GSE1: variants seen among roughly 807,000 people sequenced by gnomAD.
GSE1 encodes genetic suppressor element 1.
Under a neutral mutation model 112.6 loss-of-function variants are expected in GSE1, and 32 were observed. The observed-to-expected ratio is 0.28, with a 90% confidence interval of 0.21 to 0.38. GSE1 has a LOEUF of 0.38. Ranked by LOEUF, GSE1 falls within the 10% of genes least tolerant of loss-of-function variation. GSE1 has a pLI of 1.00. For synonymous variants in GSE1, 1,115 were observed against 735.6 expected (o/e 1.52, Z -8.35); for missense variants, 2,348 against 1,699.2 (o/e 1.38, Z -6.71).
intron 7 of GSE1, among the ~76,000 whole-genome samples, 163 bp downstream of exon 7, chr16:85,656,828 T>C (rs780325260): frequency 1.3e-5 from 2 of 152,220 alleles, no homozygotes; most frequent in Non-Finnish European, 2.9e-5. Flanking sequence ...CAGAGGCACG[T>C]TGGCACACGA....
chr16:85,199,254 G>T (rs1254834635), intron 1 of GSE1, among the ~76,000 whole-genome samples: 1 of 151,936 alleles, frequency 6.6e-6, no homozygotes, highest in African/African-American at 2.4e-5. Context: ...ACCGTGCCCC[G>T]CCTGTATATT....
In GSE1 at chr16:85,500,346, A is replaced by G. The variant is rs138934790; in HGVS notation, c.2465-133568A>G. Among the ~76,000 whole-genome samples, 102 of 152,328 alleles carry G rather than the reference A, an allele frequency of 6.7e-4. 2 individuals carry two copies. The highest frequency in any genetic ancestry group is 1.4e-3 in the South Asian group (7 of 4,830). Reference sequence around the variant, plus strand: ...CCTGGTGCTGGCTAATTTGTTTTCAATAGGTTTCAATCAATTACGTGTGGT... The same window carrying G: ...CCTGGTGCTGGCTAATTTGTTTTCAGTAGGTTTCAATCAATTACGTGTGGT... On this transcript the variant is annotated intron_variant, in intron 2 of 2. Coordinates refer to the GSE1 transcript ENST00000637419.
chr16:85,655,644 C>T (rs1449188662), intron 5 of GSE1, 82 bp from the exon 6 acceptor site: 12 of 863,296 alleles, frequency 1.4e-5, no homozygotes, highest in African/African-American at 8.4e-5. Flanking sequence ...GGTGTGTGTA[C>T]CTGGCTGAGA....
chr16:85,450,659 C>T (rs565244048), intron 2 of GSE1, among the ~76,000 whole-genome samples: 8 of 151,650 alleles, frequency 5.3e-5, no homozygotes, highest in Admixed American at 2.0e-4. Flanking sequence ...CCATCTTGGC[C>T]AGGCTGGTCT....
chr16:85,656,229 A>C, intron 6 of GSE1, 114 bp from the exon 7 acceptor site: 1 of 1,311,832 alleles, frequency 7.6e-7, no homozygotes, highest in Non-Finnish European at 1.1e-6. Flanking sequence ...ACCTCCCGTC[A>C]CTGTTCAGAT....
intron 13 of GSE1, 109 bp downstream of exon 13, chr16:85,666,456 A>G: frequency 1.0e-6 from 1 of 984,452 alleles, no homozygotes; most frequent in Non-Finnish European, 1.6e-6. Context: ...AAGTTTTTAT[A>G]AACTCCAATC....
chr16:85,619,242 G>A (rs2048570782), intron 1 of GSE1, among the ~76,000 whole-genome samples: 1 of 152,288 alleles, frequency 6.6e-6, no homozygotes, highest in East Asian at 1.9e-4. Flanking sequence ...TTAACAAACT[G>A]TCCCTCCCCC....
Position 85,332,291 on chromosome 16 carries a change from C to T in GSE1, c.2284-25172C>T, listed in dbSNP as rs1021404675. ...CCTGGGTCTGTATGCCTTGGTCTCC[C>T]ACTTACAGACCCAGATGGGTCGAAT... On this transcript the variant is annotated intron_variant, in intron 1 of 2. Transcript: ENST00000637419. Among the ~76,000 whole-genome samples the T allele has an allele frequency of 2.6e-5, 4 of 152,340 alleles. No homozygotes were observed. The South Asian group carries it at 8.3e-4, about 32-fold the overall frequency.
chr16:85,451,286 G>A (rs759791415), intron 2 of GSE1, among the ~76,000 whole-genome samples: 1 of 152,142 alleles, frequency 6.6e-6, no homozygotes, highest in Non-Finnish European at 1.5e-5. Context: ...CTGCACCCAC[G>A]GGTCTGTTTT....
chr16:85,519,328 C>T (rs2052064675), intron 2 of GSE1, among the ~76,000 whole-genome samples: 1 of 133,790 alleles, frequency 7.5e-6, no homozygotes, highest in Non-Finnish European at 1.7e-5. Flanking sequence ...TCACCACCAT[C>T]ATCACTTTTA....
intron 2 of GSE1, among the ~76,000 whole-genome samples, chr16:85,397,342 G>A (rs970942534): frequency 2.0e-5 from 3 of 152,244 alleles, no homozygotes; most frequent in Middle Eastern, 3.2e-3. Context: ...GCACTCAAGT[G>A]ACACTCAGTG....
At position 85,419,609 on chromosome 16, in the gene GSE1, AAAAAAAAAC is replaced by A. The variant is rs998467430; in HGVS notation, c.2464+61973_2464+61981del. 1.5e-4 allele frequency among the ~76,000 whole-genome samples: 23 copies of A among 151,818 alleles called. No individual in the cohort carries two copies. Among genetic ancestry groups the A allele is most frequent in the South Asian group, 1.0e-3 (5 of 4,802 alleles). On this transcript the variant is annotated intron_variant, in intron 2 of 2. Transcript: ENST00000637419. The surrounding 1 kb of genome is among the most constrained non-coding windows in gnomAD (Gnocchi z 6.5). ...CAATAGAGCAAGGCTGTGTCTCAAA[AAAAAAAAAC>A]AAAAAACAAAAAACAAAAAATAACA...
chr16:85,398,104 C>G (rs903443575), intron 2 of GSE1, among the ~76,000 whole-genome samples: 2 of 152,174 alleles, frequency 1.3e-5, no homozygotes, highest in Non-Finnish European at 2.9e-5. Context: ...GGAGCTAGGT[C>G]TCCAAGGTTC....
chr16:85,540,730 C>T (rs2044488462), intron 2 of GSE1, among the ~76,000 whole-genome samples: 1 of 152,070 alleles, frequency 6.6e-6, no homozygotes, highest in Admixed American at 6.6e-5. Context: ...GCCTGAGCAA[C>T]ATGGTGAGAC....
At chr16:85,606,093 G>C (rs1463159392) in intron 1 of GSE1, among the ~76,000 whole-genome samples, 2 of 152,206 alleles carry the variant, frequency 1.3e-5, no homozygotes, top group Non-Finnish European at 2.9e-5. Flanking sequence ...TTCGGCTCCT[G>C]CCCTTGAAGT....
intron 1 of GSE1, among the ~76,000 whole-genome samples, chr16:85,212,852 G>C (rs1479071653): frequency 6.6e-6 from 1 of 152,212 alleles, no homozygotes; most frequent in African/African-American, 2.4e-5. Flanking sequence ...CTGTAGCTGG[G>C]TGTGGTGGCT....
chr16:85,337,589 G>A (rs754824307), intron 1 of GSE1, among the ~76,000 whole-genome samples: 3 of 152,198 alleles, frequency 2.0e-5, no homozygotes, highest in Non-Finnish European at 2.9e-5. Flanking sequence ...ACAGGCGTGA[G>A]CCACCGCGCC....
rs1370428593 is a variant in GSE1, at chr16:85,519,540, T to C, written c.2465-114374T>C. Reference sequence around the variant, plus strand: ...ATCATCATCACCTTCACCACCATCATCACTATTACCACCATCACTATCATC... The same window carrying C: ...ATCATCATCACCTTCACCACCATCACCACTATTACCACCATCACTATCATC... On this transcript the variant is annotated intron_variant, in intron 2 of 2. Coordinates refer to the GSE1 transcript ENST00000637419. Among the ~76,000 whole-genome samples, 18 of 7,290 alleles carry C rather than the reference T, an allele frequency of 2.5e-3. 4 individuals carry two copies. The highest frequency in any genetic ancestry group is 0.071 in the Middle Eastern group (1 of 14). The allele number at this position is 7,290 out of a possible 152,430, so 4.8% of individuals were successfully genotyped here.
chr16:85,202,487 C>G (rs2075046542), intron 1 of GSE1, among the ~76,000 whole-genome samples: 2 of 152,196 alleles, frequency 1.3e-5, no homozygotes, highest in African/African-American at 4.8e-5. Context: ...TGGTCTCAAA[C>G]TCCTGGGCTC....
Sources: allele counts gnomAD v4.1 joint callset (sites outside exome capture counted in the v4.1 genomes callset), GRCh38; gene constraint gnomAD v4.1.1; non-coding constraint Gnocchi (gnomAD v3.1); transcripts MANE v1.5; gene names NCBI Gene and HGNC (gene_info 2026-07-23, HGNC 2026-07-21).